Variants in KCNC1 observed in about 807,000 individuals in gnomAD.
KCNC1 encodes voltage-gated potassium channel KCNC1.
A neutral mutation model predicts 43.4 loss-of-function variants in KCNC1; 8 were observed. The observed-to-expected ratio is 0.18, with a 90% CI of 0.11 to 0.33. The LOEUF is 0.33. Ranked by LOEUF, KCNC1 falls within the 10% of genes least tolerant of loss-of-function variation. The pLI is 1.00. For missense variants in KCNC1, 420 were observed against 836.0 expected (o/e 0.50, Z 6.14); for synonymous variants, 361 against 360.5 (o/e 1.00, Z -0.01).
chr11:17,750,030 G>A (rs1167383921), intron 1 of KCNC1, among the ~76,000 whole-genome samples: 1 of 152,194 alleles, frequency 6.6e-6, no homozygotes, highest in Non-Finnish European at 1.5e-5. Context: ...GGGTGCACAG[G>A]CCTTTGGGCC....
At chr11:17,768,378 G>T (rs1239983423) in intron 1 of KCNC1, among the ~76,000 whole-genome samples, 2 of 152,162 alleles carry the variant, frequency 1.3e-5, no homozygotes, top group African/African-American at 4.8e-5. Flanking sequence ...AAGAATGTTG[G>T]GTGCATGCAG....
At chr11:17,775,086 G>A (rs1849270104) in intron 2 of KCNC1, 1 of 985,532 alleles carries the variant, frequency 1.0e-6, no homozygotes, top group Non-Finnish European at 1.2e-6. Flanking sequence ...GAGTGAGGGG[G>A]AGGCCAGGGG....
rs367882419 is a variant in KCNC1 at position 17,738,542 on chromosome 11, G to A, written c.570+1970G>A. On this transcript the variant is annotated intron_variant, in intron 1 of 3. Transcript: ENST00000265969. Reference sequence around the variant, plus strand: ...CCCAGCCCCACCCTTTGCACTCAGTGTTGGGGCTCTGATCAGTGTCCTGAG... The same window carrying A: ...CCCAGCCCCACCCTTTGCACTCAGTATTGGGGCTCTGATCAGTGTCCTGAG... Among the ~76,000 whole-genome samples the A allele has an allele frequency of 2.2e-4, 33 of 152,246 alleles. No homozygotes were observed. The East Asian group carries it at 4.1e-3, about 19-fold the overall frequency.
chr11:17,768,635 T>A (rs889247779), intron 1 of KCNC1, among the ~76,000 whole-genome samples: 1 of 124,732 alleles, frequency 8.0e-6, no homozygotes, highest in Non-Finnish European at 1.7e-5. Flanking sequence ...GGTTTGGGAA[T>A]GGGATGTCCT....
intron 2 of KCNC1, chr11:17,774,086 T>G: frequency 2.0e-6 from 2 of 985,550 alleles, no homozygotes; most frequent in South Asian, 9.4e-5. Flanking sequence ...CCCATTTCTT[T>G]GCCCATGGGG....
chr11:17,778,783 G>A (rs1278855105), intron 2 of KCNC1, among the ~76,000 whole-genome samples: 1 of 151,124 alleles, frequency 6.6e-6, no homozygotes, highest in Non-Finnish European at 1.5e-5. Context: ...GGCCTAGCCT[G>A]TATGGGGAAC....
intron 2 of KCNC1, chr11:17,774,647 GCTT>G: frequency 5.1e-6 from 5 of 985,514 alleles, no homozygotes; most frequent in Non-Finnish European, 6.0e-6. Flanking sequence ...CCCCAGCCCT[GCTT>G]TTGAGAGCCA....
At chr11:17,756,540 C>T (rs1849024579) in intron 1 of KCNC1, among the ~76,000 whole-genome samples, 1 of 151,828 alleles carries the variant, frequency 6.6e-6, no homozygotes, top group East Asian at 1.9e-4. Context: ...CACACACACA[C>T]ACACACACAC....
At position 17,739,740 on chromosome 11, in the gene KCNC1, T is replaced by TG. The variant is rs1186221265; in HGVS notation, c.570+3173dup. Among the ~76,000 whole-genome samples the TG allele has an allele frequency of 6.7e-6, 1 of 150,350 alleles. No individual in the cohort carries two copies. The highest frequency in any genetic ancestry group is 1.5e-5 in the Non-Finnish European group (1 of 67,650). On this transcript the variant is annotated intron_variant, in intron 1 of 3. Transcript: ENST00000265969. The surrounding 1 kb of genome is among the most constrained non-coding windows in gnomAD (Gnocchi z 4.2). ...ACATAAGGCAGGAGGCTGTGTGGGG[T>TG]GGGGGTCCCTGTGTGTGACAGACTG... is the stretch of plus-strand genomic sequence containing the variant.
rs1849240589 is a variant in KCNC1 at position 17,772,417 on chromosome 11, G to T, written c.1323G>T (p.Met441Ile). ...PVPVIVNNFG[M>I]YYSLAMAKQK... is the part of the protein sequence containing the mutation. ...CCGTCATCGTGAACAATTTCGGGAT[G>T]TATTACTCCTTAGCCATGGCTAAGC... The change falls in exon 2 of 4, where the codon ATG becomes ATT. Residue 441 changes from methionine to isoleucine, a missense_variant. By Grantham distance (10) the Met-to-Ile change is conservative. Coordinates refer to ENST00000265969, the MANE Select transcript of KCNC1 (RefSeq NM_001112741.2). 6.2e-7 allele frequency: 1 copy of T among 1,614,040 alleles called. No individual in the cohort carries two copies.
rs1183445053 is a variant in KCNC1, at chr11:17,776,064, G to T, written c.1505-3392G>T. 6.1e-6 allele frequency: 6 copies of T among 985,382 alleles called. No individual in the cohort carries two copies. The highest frequency in any genetic ancestry group is 7.2e-6 in the Non-Finnish European group (6 of 829,988). 61.0% of individuals were successfully genotyped at this position (985,382 alleles called of 1,614,324 possible). On this transcript the variant is annotated intron_variant, in intron 2 of 3. Transcript: ENST00000265969. This position sits in a 1 kb window ranked among gnomAD's most constrained non-coding sequence, Gnocchi z 4.4. ...CTGCAGGGACCCAGCTGCAGGGTCAGCAGCCTGTGGGCCCTGAGTGGGGTC... is the reference window on the plus strand; with the variant it reads ...CTGCAGGGACCCAGCTGCAGGGTCATCAGCCTGTGGGCCCTGAGTGGGGTC...
intron 2 of KCNC1, among the ~76,000 whole-genome samples, chr11:17,778,766 G>T (rs1849313802): frequency 6.6e-6 from 1 of 151,904 alleles, no homozygotes; most frequent in Non-Finnish European, 1.5e-5. Context: ...AGTAGACTGT[G>T]TGACCGGGCC....
rs1849298305 is a variant in KCNC1 at position 17,777,345 on chromosome 11, A to C, written c.1505-2111A>C. On this transcript the variant is annotated intron_variant, in intron 2 of 3. Transcript: ENST00000265969. The surrounding 1 kb of genome is among the most constrained non-coding windows in gnomAD (Gnocchi z 4.3). ...GCCAACAGAGACTCAGCAAGTCCTC[A>C]CTCCCCTCCCAGAAGGAGACGCTGC... The C allele has an allele frequency of 1.0e-6, 1 of 985,062 alleles. No homozygotes were observed. The highest frequency in any genetic ancestry group is 6.2e-5 in the Admixed American group (1 of 16,186). The allele number at this position is 985,062 out of a possible 1,614,324, so 61.0% of individuals were successfully genotyped here. A position where few individuals can be genotyped will look rare whatever the true frequency, so the allele number is the denominator to read the frequency against.
chr11:17,738,447 C>G (rs1475429868), intron 1 of KCNC1, among the ~76,000 whole-genome samples: 1 of 152,206 alleles, frequency 6.6e-6, no homozygotes, highest in Non-Finnish European at 1.5e-5. Context: ...CAGCATCTCC[C>G]CCACCAACTT....
At position 17,776,148 on chromosome 11, in the gene KCNC1, G is replaced by T. The variant is rs1437284688; in HGVS notation, c.1505-3308G>T. 33 of 985,376 alleles carry T rather than the reference G, an allele frequency of 3.3e-5. No homozygotes were observed. The highest frequency in any genetic ancestry group is 4.0e-5 in the Non-Finnish European group (33 of 830,002). The allele number at this position is 985,376 out of a possible 1,614,324, so 61.0% of individuals were successfully genotyped here. Reference sequence around the variant, plus strand: ...GCGGAGAAATGAAGTGACGCCAGGGGCCAGGCATGGGTGTTCTTTTCCGTG... The same window carrying T: ...GCGGAGAAATGAAGTGACGCCAGGGTCCAGGCATGGGTGTTCTTTTCCGTG... On this transcript the variant is annotated intron_variant, in intron 2 of 3. Transcript: ENST00000265969. The surrounding 1 kb of genome is among the most constrained non-coding windows in gnomAD (Gnocchi z 4.4).
intron 1 of KCNC1, among the ~76,000 whole-genome samples, chr11:17,741,641 C>G (rs1374237721): frequency 1.3e-5 from 2 of 152,090 alleles, no homozygotes; most frequent in Non-Finnish European, 1.5e-5. Context: ...TCAGATCGCC[C>G]GAGCCTGCTT....
At position 17,735,861 on chromosome 11, in the gene KCNC1, C is replaced by A; in HGVS notation, c.-142C>A. ...AGGCTTGGCTCGCTCGTTGGGGTGGCCAGAGCCGCAGGCCTCTGTTCCCCC... is the reference window on the plus strand; with the variant it reads ...AGGCTTGGCTCGCTCGTTGGGGTGGACAGAGCCGCAGGCCTCTGTTCCCCC... On this transcript the variant is annotated 5_prime_UTR_variant, in exon 1 of 4. Transcript: ENST00000265969. This position sits in a 1 kb window ranked among gnomAD's most constrained non-coding sequence, Gnocchi z 6.7. The A allele has an allele frequency of 1.0e-6, 1 of 966,636 alleles. No individual in the cohort carries two copies. Among genetic ancestry groups the A allele is most frequent in the Non-Finnish European group, 1.4e-6 (1 of 704,502 alleles). The allele number at this position is 966,636 out of a possible 1,614,324, so 59.9% of individuals were successfully genotyped here.
chr11:17,772,490 C>T lies in KCNC1; in HGVS notation c.1396C>T (p.Leu466=). 1 of 1,614,236 alleles carries T rather than the reference C, an allele frequency of 6.2e-7. No homozygotes were observed. Among genetic ancestry groups the T allele is most frequent in the Non-Finnish European group, 8.5e-7 (1 of 1,180,040 alleles). ...KKKHIPRPPQ[L]GSPNYCKSVV... ...GAAGCATATTCCGCGGCCACCGCAG[C>T]TGGGATCTCCCAATTATTGTAAATC... The change falls in exon 2 of 4, where the codon CTG becomes TTG. Residue 466 remains leucine, a synonymous_variant. Coordinates refer to ENST00000265969, the MANE Select transcript of KCNC1 (RefSeq NM_001112741.2).
At position 17,771,600 on chromosome 11, in the gene KCNC1, G is replaced by A; in HGVS notation, c.571-65G>A. 2.1e-6 allele frequency: 3 copies of A among 1,460,530 alleles called. No homozygotes were observed. The highest frequency in any genetic ancestry group is 2.8e-6 in the Non-Finnish European group (3 of 1,066,798). 90.5% of individuals were successfully genotyped at this position (1,460,530 alleles called of 1,614,324 possible). A position where few individuals can be genotyped will look rare whatever the true frequency, so the allele number is the denominator to read the frequency against. ...CCCCGCCTGGCCCTGGGACTGGACA[G>A]AGGCAACCCAGGCTTCTCCACTCTG... On this transcript the variant is annotated intron_variant, in intron 1 of 3. Transcript: ENST00000265969. The surrounding 1 kb of genome is among the most constrained non-coding windows in gnomAD (Gnocchi z 4.7).
Sources: allele counts gnomAD v4.1 joint callset (sites outside exome capture counted in the v4.1 genomes callset), GRCh38; gene constraint gnomAD v4.1.1; non-coding constraint Gnocchi (gnomAD v3.1); transcripts MANE v1.5; gene names NCBI Gene and HGNC (gene_info 2026-07-23, HGNC 2026-07-21).